PDK4: variants seen among roughly 807,000 people sequenced by gnomAD.
PDK4 encodes pyruvate dehydrogenase kinase, isozyme 4.
In PDK4, 43 loss-of-function variants were observed where a neutral mutation model predicts 51.7. That is an observed-to-expected ratio of 0.83 (90% CI 0.65 to 1.07). The LOEUF is 1.07. Among genes scored for constraint, PDK4 ranks in the 50% least tolerant of loss-of-function variants. The pLI, the probability that PDK4 is intolerant of heterozygous loss-of-function variation, is 0.00. For synonymous variants in PDK4, 170 were observed against 176.6 expected, an observed-to-expected ratio of 0.96 and a Z score of 0.30; for missense variants, 498 against 503.5, an observed-to-expected ratio of 0.99 and a Z score of 0.10.
intron 6 of PDK4, 139 bp downstream of exon 6, chr7:95,591,849 T>C: frequency 1.8e-6 from 1 of 549,856 alleles, no homozygotes; most frequent in Non-Finnish European, 3.2e-6. Flanking sequence ...AAGAGAACCT[T>C]GTCTTCAAAA....
rs145028174 is a variant in PDK4 at position 95,584,795 on chromosome 7, T to C, written c.*846A>G. 1 of 152,754 alleles carries C rather than the reference T, an allele frequency of 6.5e-6. No homozygotes were observed. The highest frequency in any genetic ancestry group is 1.5e-5 in the Non-Finnish European group (1 of 68,038). 9.5% of individuals were successfully genotyped at this position (152,754 alleles called of 1,614,324 possible). On this transcript the variant is annotated 3_prime_UTR_variant, in exon 11 of 11. Coordinates refer to ENST00000005178, the MANE Select transcript of PDK4 (RefSeq NM_002612.4). ...CTAGTTTTTCCAATCTACTAATTTATTTATAAACAAAGCAAAGTAAGAGAT... is the reference window on the plus strand; with the variant it reads ...CTAGTTTTTCCAATCTACTAATTTACTTATAAACAAAGCAAAGTAAGAGAT...
chr7:95,587,675 C>A, intron 8 of PDK4, 52 bp downstream of exon 8: 3 of 1,278,686 alleles, frequency 2.3e-6, no homozygotes, highest in Non-Finnish European at 2.3e-6. Context: ...TTACTATTGA[C>A]CCTATTTAAT....
rs968176563 is a variant in PDK4 at position 95,586,802 on chromosome 7, G to A, written c.1095+208C>T. 26 of 438,200 alleles carry A rather than the reference G, an allele frequency of 5.9e-5. No homozygotes were observed. The South Asian group carries it at 1.0e-3, about 17-fold the overall frequency. The allele number at this position is 438,200 out of a possible 1,614,324, so 27.1% of individuals were successfully genotyped here. On this transcript the variant is annotated intron_variant, in intron 10 of 10. Coordinates refer to ENST00000005178, the MANE Select transcript of PDK4 (RefSeq NM_002612.4). ...CTTAGGAAACAATTTTGCTTCACTT[G>A]AGGCAGGTAGTATGGCCCAGCTTCC...
In PDK4 at chr7:95,595,122, C is replaced by A. The variant is rs147359178; in HGVS notation, c.173G>T (p.Arg58Leu). ...GGCGAGTCTCACAGGCAATTCTTGT[C>A]GCAAAAATGCAAAAGAAGTTCTTTC... ...ACERTSFAFLRQELPVRLANI... is the reference protein window; with the variant it reads ...ACERTSFAFLLQELPVRLANI... Residue 58 changes from arginine (R) to leucine (L), a missense_variant, in exon 2 of 11, where the codon CGA becomes CTA. Physicochemically the swap from Arg to Leu is moderately radical, Grantham distance 102 (BLOSUM62 -2). Coordinates refer to ENST00000005178, the MANE Select transcript of PDK4 (RefSeq NM_002612.4). 8 of 1,612,606 alleles carry A rather than the reference C, an allele frequency of 5.0e-6. No homozygotes were observed. The African/African-American group carries it at 9.4e-5, about 19-fold the overall frequency.
chr7:95,594,941 A>G (rs1198838193), intron 2 of PDK4, 82 bp downstream of exon 2: 20 of 893,034 alleles, frequency 2.2e-5, no homozygotes, highest in Admixed American at 1.6e-4. Context: ...CTGTTTTCCA[A>G]TTATGATGTT....
At position 95,596,439 on chromosome 7, in the gene PDK4, G is replaced by C. The variant is rs1791624200; in HGVS notation, c.-146C>G. Reference sequence around the variant, plus strand: ...TGGCTTGTGCGCCCCGGCCTGGGCTGGGGTTTGAGGGTGCCGCGGAGTGAA... The same window carrying C: ...TGGCTTGTGCGCCCCGGCCTGGGCTCGGGTTTGAGGGTGCCGCGGAGTGAA... On this transcript the variant is annotated 5_prime_UTR_variant, in exon 1 of 11. Coordinates refer to ENST00000005178, the MANE Select transcript of PDK4 (RefSeq NM_002612.4). 8 of 813,080 alleles carry C rather than the reference G, an allele frequency of 9.8e-6. No homozygotes were observed. The allele number at this position is 813,080 out of a possible 1,614,324, so 50.4% of individuals were successfully genotyped here. A position where few individuals can be genotyped will look rare whatever the true frequency, so the allele number is the denominator to read the frequency against.
At chr7:95,591,487 C>T (rs930198974) in intron 6 of PDK4, among the ~76,000 whole-genome samples, 1 of 152,196 alleles carries the variant, frequency 6.6e-6, no homozygotes, top group Non-Finnish European at 1.5e-5. Context: ...TTCCTCACAG[C>T]CTCTGACAAC....
At chr7:95,591,566 G>A (rs1791553082) in intron 6 of PDK4, among the ~76,000 whole-genome samples, 1 of 152,108 alleles carries the variant, frequency 6.6e-6, no homozygotes, top group African/African-American at 2.4e-5. Context: ...TCATGCATCT[G>A]TCACTGGCTT....
Position 95,595,117 on chromosome 7 carries a change from C to A in PDK4, c.178G>T (p.Glu60Ter), listed in dbSNP as rs753250526. The change falls in exon 2 of 11, where the codon GAA becomes TAA. Residue 60 changes from glutamate (E) to a stop codon, truncating the protein, a stop_gained. Transcript: ENST00000005178. LOFTEE classifies it high-confidence loss of function. ...ERTSFAFLRQELPVRLANILK... is the reference protein window; with the variant it reads ...ERTSFAFLRQ The stretch of plus-strand genomic sequence containing the variant: ...ATGTTGGCGAGTCTCACAGGCAATT[C>A]TTGTCGCAAAAATGCAAAAGAAGTT... 6.2e-7 allele frequency: 1 copy of A among 1,613,100 alleles called. No individual in the cohort carries two copies. Among genetic ancestry groups the A allele is most frequent in the Non-Finnish European group, 8.5e-7 (1 of 1,179,214 alleles).
At position 95,588,016 on chromosome 7, in the gene PDK4, T is replaced by C. The variant is rs182738116; in HGVS notation, c.772-191A>G. ...CATGTAGGATGTATAATGAAAAATA[T>C]TCATTTACTATGTAATATAGCTCCT... On this transcript the variant is annotated intron_variant, in intron 7 of 10. Transcript: ENST00000005178. Among the ~76,000 whole-genome samples the C allele has an allele frequency of 3.8e-4, 58 of 152,322 alleles. 1 individual carries two copies. The highest frequency in any genetic ancestry group is 1.0e-4 in the Non-Finnish European group (7 of 68,024).
chr7:95,589,563 G>T, intron 7 of PDK4, 77 bp downstream of exon 7: 2 of 734,432 alleles, frequency 2.7e-6, no homozygotes, highest in Admixed American at 2.4e-5. Flanking sequence ...GTTTTGTGGC[G>T]AATAATAAAG....
chr7:95,586,169 C>A (rs1386218662), intron 10 of PDK4, among the ~76,000 whole-genome samples: 2 of 147,386 alleles, frequency 1.4e-5, no homozygotes, highest in Non-Finnish European at 3.0e-5. Flanking sequence ...GAGGCTTTAC[C>A]AGAAACAGGA....
intron 6 of PDK4, 69 bp downstream of exon 6, chr7:95,591,919 C>A: frequency 1.2e-6 from 1 of 823,896 alleles, no homozygotes; most frequent in African/African-American, 1.8e-5. Context: ...TTTATATTTA[C>A]AAAAAGCAAT....
intron 6 of PDK4, among the ~76,000 whole-genome samples, chr7:95,591,429 A>G (rs534959326): frequency 4.6e-5 from 7 of 152,346 alleles, no homozygotes; most frequent in African/African-American, 1.7e-4. Flanking sequence ...TTCATGTTGC[A>G]TAACTGAAAC....
chr7:95,587,496 T>C lies in PDK4; in HGVS notation c.903A>G (p.Arg301=), dbSNP rs540650384. Residue 301 remains arginine (R), a synonymous_variant, in exon 9 of 11, where the codon AGA becomes AGG. Transcript: ENST00000005178. Reference sequence around the variant, plus strand: ...TATAACTAAAGAGGCGGTCAATAATTCTCAGGGGAACACCACCTCCTCTGT... The same window carrying C: ...TATAACTAAAGAGGCGGTCAATAATCCTCAGGGGAACACCACCTCCTCTGT... The part of the protein sequence containing the change: ...ISDRGGGVPL[R]IIDRLFSYTY... The C allele has an allele frequency of 6.2e-7, 1 of 1,608,660 alleles. No homozygotes were observed. The highest frequency in any genetic ancestry group is 1.3e-5 in the African/African-American group (1 of 74,892).
chr7:95,585,901 T>A, intron 10 of PDK4, 120 bp from the exon 11 acceptor site: 1 of 807,580 alleles, frequency 1.2e-6, no homozygotes, highest in Admixed American at 2.5e-5. Context: ...AATACATTCA[T>A]TTAATTGACA....
rs11541299 is a variant in PDK4 at position 95,587,109 on chromosome 7, G to T, written c.996C>A (p.Tyr332Ter). The change falls in exon 10 of 11, where the codon TAC (tyrosine) becomes TAA (stop). Residue 332 changes from tyrosine (Y) to a stop codon, truncating the protein, a stop_gained. Transcript: ENST00000005178. LOFTEE classifies it high-confidence loss of function. ...SRNAPLAGFG[Y>*]GLPISRLYAK... Reference sequence around the variant, plus strand: ...CATACAGACGAGAAATTGGCAAGCCGTAACCAAAACCAGCCTAGAGAAGAG... The same window carrying T: ...CATACAGACGAGAAATTGGCAAGCCTTAACCAAAACCAGCCTAGAGAAGAG... 3 of 1,607,262 alleles carry T rather than the reference G, an allele frequency of 1.9e-6. No homozygotes were observed. The highest frequency in any genetic ancestry group is 2.6e-6 in the Non-Finnish European group (3 of 1,174,200).
chr7:95,586,950 A>G (rs4729201), intron 10 of PDK4, 60 bp downstream of exon 10: 470,073 of 921,096 alleles, frequency 0.51, 126,844 homozygotes, highest in East Asian at 0.89. Flanking sequence ...ATAGCACTCA[A>G]GGCTATAAAA....
At chr7:95,590,383 A>C (rs1350314793) in intron 6 of PDK4, among the ~76,000 whole-genome samples, 2 of 152,196 alleles carry the variant, frequency 1.3e-5, no homozygotes, top group African/African-American at 4.8e-5. Context: ...AAGAGGATAA[A>C]GGAAACAGAC....
Sources: gnomAD v4.1 joint callset for allele counts (sites outside exome capture counted in the v4.1 genomes callset) on GRCh38, gnomAD v4.1.1 for gene constraint, MANE v1.5 for transcripts, NCBI Gene and HGNC (gene_info 2026-07-23, HGNC 2026-07-21) for gene names.